The following TPP2 variants were observed in gnomAD, a reference collection of about 807,000 sequenced individuals.
The protein encoded by TPP2 is tripeptidyl-peptidase 2.
In TPP2, 34 loss-of-function variants were observed where a neutral mutation model predicts 155.9. The observed-to-expected ratio is 0.22, with a 90% CI of 0.17 to 0.29. The LOEUF is 0.29. TPP2 is among the 10% of genes least tolerant of loss of function. The pLI, the probability that TPP2 is intolerant of heterozygous loss-of-function variation, is 1.00. For missense variants in TPP2, 1,028 were observed against 1,522.3 expected (o/e 0.68, Z 5.40); for synonymous variants, 510 against 529.4 (o/e 0.96, Z 0.50).
chr13:102,599,120 C>A (rs2139396995), intron 1 of TPP2, among the ~76,000 whole-genome samples: 1 of 152,226 alleles, frequency 6.6e-6, no homozygotes, highest in East Asian at 1.9e-4. Flanking sequence ...TTGGGATCCC[C>A]AGTATCTGTT....
intron 15 of TPP2, among the ~76,000 whole-genome samples, chr13:102,638,740 G>A (rs996181500): frequency 6.6e-6 from 1 of 151,866 alleles, no homozygotes; most frequent in Non-Finnish European, 1.5e-5. Context: ...ATCTACTGTA[G>A]AAGCAGAAGT....
intron 1 of TPP2, among the ~76,000 whole-genome samples, chr13:102,597,566 A>AC (rs1298820944): frequency 2.0e-5 from 3 of 149,586 alleles, no homozygotes; most frequent in Non-Finnish European, 4.5e-5. Flanking sequence ...GCCAGGCCGG[A>AC]CCCCCCAGGC....
chr13:102,601,197 G>A (rs1456723033), intron 1 of TPP2, among the ~76,000 whole-genome samples: 6 of 152,142 alleles, frequency 3.9e-5, no homozygotes, highest in African/African-American at 1.4e-4. Flanking sequence ...CAAAAGCAAA[G>A]ATTGTCTTAT....
intron 2 of TPP2, among the ~76,000 whole-genome samples, chr13:102,613,777 T>C (rs899204651): frequency 6.6e-6 from 1 of 152,244 alleles, no homozygotes; most frequent in Non-Finnish European, 1.5e-5. Context: ...TTAAAGTGTT[T>C]TAAAACACTT....
intron 27 of TPP2, among the ~76,000 whole-genome samples, chr13:102,671,927 G>C (rs34559643): frequency 0.011 from 1,677 of 152,260 alleles, 96 homozygotes; most frequent in Admixed American, 0.078. Context: ...TACTGTTGCT[G>C]TTGAGCTGAT....
intron 17 of TPP2, 108 bp from the exon 18 acceptor site, chr13:102,644,449 A>T: frequency 1.1e-6 from 1 of 952,280 alleles, no homozygotes; most frequent in Non-Finnish European, 1.5e-6. Flanking sequence ...TTCTTGCTAC[A>T]AACAGGAAAA....
intron 5 of TPP2, among the ~76,000 whole-genome samples, chr13:102,621,159 A>G (rs1360118500): frequency 6.6e-6 from 1 of 152,098 alleles, no homozygotes; most frequent in Non-Finnish European, 1.5e-5. Flanking sequence ...TTATGTTTTG[A>G]TGTGTTGGTT....
intron 28 of TPP2, 128 bp downstream of exon 28, chr13:102,674,618 C>T (rs1400071029): frequency 1.1e-6 from 1 of 882,802 alleles, no homozygotes; most frequent in East Asian, 2.7e-5. Flanking sequence ...CTGAATATGA[C>T]ATGTTTAGCC....
intron 19 of TPP2, among the ~76,000 whole-genome samples, chr13:102,645,305 G>C (rs1039184967): frequency 6.6e-6 from 1 of 152,130 alleles, no homozygotes. Flanking sequence ...CATTCTCTCT[G>C]ATATTATTTT....
chr13:102,655,748 CG>C (rs574608357), intron 24 of TPP2, among the ~76,000 whole-genome samples: 4 of 152,030 alleles, frequency 2.6e-5, no homozygotes, highest in South Asian at 2.1e-4. Context: ...TGTTCTTGTC[CG>C]GGGGGGTCAG....
intron 2 of TPP2, among the ~76,000 whole-genome samples, 182 bp downstream of exon 2, chr13:102,605,103 A>G (rs537872140): frequency 6.8e-6 from 1 of 147,302 alleles, no homozygotes; most frequent in Non-Finnish European, 1.5e-5. Flanking sequence ...TGAGTCAGGA[A>G]TCTGGGTGTG....
At chr13:102,604,632 T>G (rs746979296) in intron 1 of TPP2, among the ~76,000 whole-genome samples, 161 bp from the exon 2 acceptor site, 1 of 152,272 alleles carries the variant, frequency 6.6e-6, no homozygotes, top group African/African-American at 2.4e-5. Flanking sequence ...TTAAATTTTC[T>G]TACTAGTATT....
intron 3 of TPP2, among the ~76,000 whole-genome samples, chr13:102,615,470 T>G (rs755585202): frequency 1.3e-5 from 2 of 152,220 alleles, no homozygotes; most frequent in East Asian, 3.8e-4. Context: ...GTATATTAAA[T>G]GTAATCAGCT....
intron 6 of TPP2, among the ~76,000 whole-genome samples, chr13:102,623,781 T>C (rs1220332594): frequency 2.0e-5 from 3 of 152,214 alleles, no homozygotes; most frequent in African/African-American, 7.2e-5. Flanking sequence ...AATACAGTCA[T>C]CCTTTGGTAT....
intron 2 of TPP2, 99 bp downstream of exon 2, chr13:102,605,020 C>A: frequency 6.6e-7 from 1 of 1,514,782 alleles, no homozygotes; most frequent in African/African-American, 1.4e-5. Context: ...ATTAGTTATC[C>A]ATTGCCACAT....
At chr13:102,677,822 C>T (rs922447083) in intron 29 of TPP2, among the ~76,000 whole-genome samples, 3 of 152,114 alleles carry the variant, frequency 2.0e-5, no homozygotes, top group African/African-American at 4.8e-5. Context: ...TTATTATTTG[C>T]TTTTCCTGAA....
intron 16 of TPP2, among the ~76,000 whole-genome samples, chr13:102,641,085 C>A (rs1362116525): frequency 6.6e-6 from 1 of 152,192 alleles, no homozygotes; most frequent in Non-Finnish European, 1.5e-5. Context: ...ACTTCAGTGT[C>A]TCTGAAATTT....
chr13:102,661,411 C>T (rs528816104), intron 25 of TPP2, among the ~76,000 whole-genome samples: 1 of 151,938 alleles, frequency 6.6e-6, no homozygotes, highest in African/African-American at 2.4e-5. Context: ...CCACCACCCC[C>T]AGCTTATTTT....
At chr13:102,635,935 T>C (rs1882348861) in intron 12 of TPP2, among the ~76,000 whole-genome samples, 1 of 152,108 alleles carries the variant, frequency 6.6e-6, no homozygotes, top group African/African-American at 2.4e-5. Flanking sequence ...GGTTAGAAAT[T>C]CAAAGAAATC....
Sources: allele counts gnomAD v4.1 joint callset (sites outside exome capture counted in the v4.1 genomes callset), GRCh38; gene constraint gnomAD v4.1.1; transcripts MANE v1.5; gene names NCBI Gene and HGNC (gene_info 2026-07-23, HGNC 2026-07-21).